Variants in GRID2 observed in about 807,000 individuals in gnomAD.
GRID2 encodes the protein glutamate ionotropic receptor delta type subunit 2.
In GRID2, 33 loss-of-function variants were observed where a neutral mutation model predicts 114.8. The observed-to-expected ratio is 0.29, with a 90% CI of 0.22 to 0.38. The LOEUF (loss-of-function observed/expected upper bound fraction) is 0.38, where lower values mean the gene tolerates loss of function less well. Among genes scored for constraint, GRID2 ranks in the 10% least tolerant of loss-of-function variants. The pLI is 1.00. For synonymous variants in GRID2, 505 were observed against 449.9 expected (o/e 1.12, Z -1.55); for missense variants, 1,184 against 1,257.7 (o/e 0.94, Z 0.89).
chr4:93,494,491 A>G lies in GRID2; in HGVS notation c.1997+3714A>G, dbSNP rs1727331867. Among the ~76,000 whole-genome samples, 3 of 151,932 alleles carry G rather than the reference A, an allele frequency of 2.0e-5. No individual in the cohort carries two copies. The South Asian group carries it at 6.2e-4, about 32-fold the overall frequency. On this transcript the variant is annotated intron_variant, in intron 12 of 15. Transcript: ENST00000282020. Reference sequence around the variant, plus strand: ...AAGCTGAATAATTTCATAAAATTTTACCTTGTTTTTAAAATTAGATATCTA... The same window carrying G: ...AAGCTGAATAATTTCATAAAATTTTGCCTTGTTTTTAAAATTAGATATCTA...
At chr4:93,553,046 G>A (rs1733938058) in intron 13 of GRID2, among the ~76,000 whole-genome samples, 1 of 152,114 alleles carries the variant, frequency 6.6e-6, no homozygotes, top group Non-Finnish European at 1.5e-5. Flanking sequence ...TGGACATTTG[G>A]GTTGGTTCCA....
chr4:92,719,738 A>C (rs1416789473), intron 2 of GRID2, among the ~76,000 whole-genome samples: 1 of 152,100 alleles, frequency 6.6e-6, no homozygotes, highest in Non-Finnish European at 1.5e-5. Flanking sequence ...GGGGGAGAAT[A>C]GGGGGAAGAA....
At chr4:92,317,985 T>C (rs896024723) in intron 1 of GRID2, among the ~76,000 whole-genome samples, 9 of 152,154 alleles carry the variant, frequency 5.9e-5, no homozygotes, top group Non-Finnish European at 1.2e-4. Context: ...TAGATAATTA[T>C]GTATAAACTG....
chr4:92,592,558 T>C (rs1579643441), intron 2 of GRID2, among the ~76,000 whole-genome samples: 1 of 152,202 alleles, frequency 6.6e-6, no homozygotes, highest in African/African-American at 2.4e-5. Flanking sequence ...AATAGTGACG[T>C]GACGGCACTG....
intron 2 of GRID2, among the ~76,000 whole-genome samples, chr4:92,868,129 G>A (rs947916097): frequency 7.4e-5 from 11 of 149,178 alleles, no homozygotes; most frequent in African/African-American, 2.7e-4. Context: ...ATGTGCAGTT[G>A]ACAAGTTAAC....
intron 13 of GRID2, among the ~76,000 whole-genome samples, chr4:93,621,652 T>G (rs1278455636): frequency 1.3e-5 from 2 of 152,220 alleles, no homozygotes; most frequent in Non-Finnish European, 2.9e-5. Context: ...TCAGACTTTG[T>G]TGATGAGTAT....
chr4:92,376,096 A>G (rs1729341046), intron 1 of GRID2, among the ~76,000 whole-genome samples: 1 of 151,958 alleles, frequency 6.6e-6, no homozygotes, highest in South Asian at 2.1e-4. Flanking sequence ...CAAAATGGGG[A>G]AAAAATTATA....
chr4:92,338,157 GA>G (rs1727282728), intron 1 of GRID2, among the ~76,000 whole-genome samples: 1 of 152,016 alleles, frequency 6.6e-6, no homozygotes, highest in Non-Finnish European at 1.5e-5. Flanking sequence ...GTTCTGAAGA[GA>G]AAAAACAAAA....
intron 2 of GRID2, among the ~76,000 whole-genome samples, chr4:92,592,164 G>A (rs1010515875): frequency 1.3e-5 from 2 of 151,960 alleles, no homozygotes; most frequent in African/African-American, 2.4e-5. Context: ...TAAGAAATCT[G>A]TATTATTTTT....
intron 13 of GRID2, among the ~76,000 whole-genome samples, chr4:93,596,217 C>T (rs900442387): frequency 6.6e-6 from 1 of 152,158 alleles, no homozygotes; most frequent in Non-Finnish European, 1.5e-5. Flanking sequence ...GTTTAATGTA[C>T]AATAAATTCT....
intron 2 of GRID2, among the ~76,000 whole-genome samples, chr4:92,782,074 G>A (rs978062928): frequency 1.3e-5 from 2 of 151,960 alleles, no homozygotes; most frequent in Admixed American, 6.6e-5. Context: ...AAAGTACATT[G>A]AAACAGAAAA....
At chr4:92,668,138 T>A (rs1732878143) in intron 2 of GRID2, among the ~76,000 whole-genome samples, 1 of 151,754 alleles carries the variant, frequency 6.6e-6, no homozygotes, top group Non-Finnish European at 1.5e-5. Context: ...GAGGTCAGAT[T>A]CCACAGTGTC....
chr4:92,342,951 G>A (rs1727577757), intron 1 of GRID2, among the ~76,000 whole-genome samples: 1 of 152,056 alleles, frequency 6.6e-6, no homozygotes, highest in African/African-American at 2.4e-5. Flanking sequence ...GGCAATTGTG[G>A]CATAGTGTAA....
intron 1 of GRID2, among the ~76,000 whole-genome samples, chr4:93,784,812 A>G (rs1003631849): frequency 1.3e-5 from 2 of 152,152 alleles, no homozygotes; most frequent in Non-Finnish European, 2.9e-5. Context: ...ACAGAAACTG[A>G]AAGAAGGGAG....
At chr4:93,496,071 G>T (rs1727504754) in intron 12 of GRID2, among the ~76,000 whole-genome samples, 1 of 148,144 alleles carries the variant, frequency 6.8e-6, no homozygotes, top group African/African-American at 2.5e-5. Flanking sequence ...CATCAACAAA[G>T]AAGTTAGACT....
chr4:92,987,980 C>T (rs1754616188), intron 2 of GRID2, among the ~76,000 whole-genome samples: 1 of 152,142 alleles, frequency 6.6e-6, no homozygotes, highest in East Asian at 1.9e-4. Context: ...TATTGTGTTA[C>T]AGACTTAAAA....
intron 4 of GRID2, among the ~76,000 whole-genome samples, chr4:93,133,919 C>T (rs907652374): frequency 6.6e-6 from 1 of 152,010 alleles, no homozygotes; most frequent in African/African-American, 2.4e-5. Flanking sequence ...AATATTTAGG[C>T]AAATAGAAAA....
At chr4:92,438,544 T>A (rs369741136) in intron 1 of GRID2, among the ~76,000 whole-genome samples, 1 of 151,926 alleles carries the variant, frequency 6.6e-6, no homozygotes, top group East Asian at 1.9e-4. Context: ...TCTATTAATT[T>A]TTATAAAATA....
chr4:92,446,674 C>G (rs1002279598), intron 1 of GRID2, among the ~76,000 whole-genome samples: 4 of 152,214 alleles, frequency 2.6e-5, no homozygotes, highest in African/African-American at 7.2e-5. Flanking sequence ...TCCAGTGGCT[C>G]TAGCTCCACT....
Sources: allele counts gnomAD v4.1 joint callset (sites outside exome capture counted in the v4.1 genomes callset), GRCh38; gene constraint gnomAD v4.1.1; transcripts MANE v1.5; gene names NCBI Gene and HGNC (gene_info 2026-07-23, HGNC 2026-07-21).